LCORL: variants seen among roughly 807,000 people sequenced by gnomAD.
LCORL encodes ligand-dependent nuclear receptor corepressor-like protein.
In LCORL, 41 loss-of-function variants were observed where a neutral mutation model predicts 141.8. The ratio of observed to expected loss-of-function variants is 0.29; its 90% confidence interval spans 0.23 to 0.38. The LOEUF (loss-of-function observed/expected upper bound fraction) is 0.38, where lower values mean the gene tolerates loss of function less well. LCORL is among the 10% of genes least tolerant of loss of function. The pLI is 1.00. For missense variants in LCORL, 1,759 were observed against 2,035.0 expected (o/e 0.86, Z 2.61); for synonymous variants, 618 against 694.1 (o/e 0.89, Z 1.72).
At chr4:17,929,436 A>C (rs1467186500) in intron 4 of LCORL, among the ~76,000 whole-genome samples, 1 of 152,232 alleles carries the variant, frequency 6.6e-6, no homozygotes, top group Non-Finnish European at 1.5e-5. Context: ...AGAACAATGG[A>C]AAAGAATCGA....
intron 4 of LCORL, among the ~76,000 whole-genome samples, chr4:17,930,970 A>G (rs1735941896): frequency 6.6e-6 from 1 of 152,114 alleles, no homozygotes; most frequent in African/African-American, 2.4e-5. Flanking sequence ...TGGTGCTTTT[A>G]CTGAGCTTTC....
At chr4:17,852,139 TATGTC>T (rs747062409) in intron 7 of LCORL, among the ~76,000 whole-genome samples, 11 of 152,188 alleles carry the variant, frequency 7.2e-5, no homozygotes, top group Non-Finnish European at 1.2e-4. Context: ...TTATCACTCT[TATGTC>T]ATGGCTTCTC....
chr4:17,913,073 AT>A (rs1732836318), intron 4 of LCORL: 1 of 231,760 alleles, frequency 4.3e-6, no homozygotes, highest in African/African-American at 2.3e-5. Flanking sequence ...GGATGAGATG[AT>A]GTTGAAGATA....
chr4:17,951,558 A>G (rs1739728856), intron 4 of LCORL, among the ~76,000 whole-genome samples: 1 of 152,060 alleles, frequency 6.6e-6, no homozygotes, highest in Admixed American at 6.5e-5. Context: ...TCTGATTACC[A>G]CTTATAAAAA....
At chr4:17,848,374 G>T (rs1723184048) in intron 7 of LCORL, among the ~76,000 whole-genome samples, 1 of 152,170 alleles carries the variant, frequency 6.6e-6, no homozygotes, top group South Asian at 2.1e-4. Context: ...TTTTGAGACA[G>T]CGTCTTGCTC....
intron 3 of LCORL, among the ~76,000 whole-genome samples, chr4:17,962,676 C>T (rs151115189): frequency 2.6e-5 from 4 of 151,880 alleles, no homozygotes; most frequent in Admixed American, 6.6e-5. Context: ...TCCCTCTATA[C>T]CTAAATACAA....
chr4:17,873,006 T>A (rs1726535792), intron 7 of LCORL, among the ~76,000 whole-genome samples: 1 of 152,150 alleles, frequency 6.6e-6, no homozygotes, highest in Non-Finnish European at 1.5e-5. Context: ...ATTTACTAGT[T>A]TATAGTGTGG....
intron 1 of LCORL, among the ~76,000 whole-genome samples, chr4:17,973,684 C>G (rs1372860374): frequency 2.0e-5 from 3 of 151,696 alleles, no homozygotes; most frequent in Non-Finnish European, 1.5e-5. Context: ...CATGGCATGA[C>G]AGACCCTATA....
chr4:17,964,401 A>C (rs1279155567), intron 2 of LCORL, among the ~76,000 whole-genome samples: 1 of 152,152 alleles, frequency 6.6e-6, no homozygotes, highest in Non-Finnish European at 1.5e-5. Context: ...TAAACTATGA[A>C]GCACCATACA....
chr4:17,875,112 T>C (rs2109180203), exon 7 of LCORL: 1 of 1,233,530 alleles, frequency 8.1e-7, no homozygotes, highest in Non-Finnish European at 1.0e-6. Context: ...ATACTTTTCT[T>C]CAGGCAGATT....
In LCORL at chr4:18,021,418, C is replaced by T. The variant is rs28516409; in HGVS notation, c.154+180G>A. On this transcript the variant is annotated intron_variant, in intron 1 of 7. Transcript: ENST00000635767. This position sits in a 1 kb window ranked among gnomAD's most constrained non-coding sequence, Gnocchi z 5.5. Reference sequence around the variant, plus strand: ...GCGAAGGAGCGCGGACCGCGCCGGGCCAGCAGCCCGCAAGACAAAAGGCGA... The same window carrying T: ...GCGAAGGAGCGCGGACCGCGCCGGGTCAGCAGCCCGCAAGACAAAAGGCGA... 4.6e-5 allele frequency among the ~76,000 whole-genome samples: 7 copies of T among 152,228 alleles called. No homozygotes were observed. Among genetic ancestry groups the T allele is most frequent in the African/African-American group, 1.4e-4 (6 of 41,564 alleles).
At position 18,003,113 on chromosome 4, in the gene LCORL, C is replaced by T. The variant is rs191473006; in HGVS notation, c.154+18485G>A. The stretch of plus-strand genomic sequence containing the variant: ...GCAAATTTGGGGGTGCTATAATTTT[C>T]CAAGAACAGAATATATCCATATCTC... On this transcript the variant is annotated intron_variant, in intron 1 of 7. Coordinates refer to ENST00000635767, the Ensembl canonical transcript of LCORL. Among the ~76,000 whole-genome samples the T allele has an allele frequency of 3.6e-3, 552 of 152,302 alleles. 4 individuals are homozygous for T. Among genetic ancestry groups the T allele is most frequent in the African/African-American group, 0.012 (500 of 41,566 alleles).
chr4:17,962,931 G>T, intron 3 of LCORL, 39 bp downstream of exon 3: 2 of 1,074,606 alleles, frequency 1.9e-6, no homozygotes, highest in Non-Finnish European at 2.6e-6. Context: ...TTACAATTGT[G>T]CATTAGTTTA....
At chr4:17,980,911 G>T (rs1022577166) in intron 1 of LCORL, among the ~76,000 whole-genome samples, 1 of 152,116 alleles carries the variant, frequency 6.6e-6, no homozygotes, top group Non-Finnish European at 1.5e-5. Context: ...CGATCTGAGG[G>T]GGAACAGGTT....
rs368937872 is a variant in LCORL, at chr4:17,881,404, T to C, written c.777-3191A>G. 8 of 962,558 alleles carry C rather than the reference T, an allele frequency of 8.3e-6. No homozygotes were observed. In the African/African-American group the frequency reaches 1.2e-4, roughly 15 times the overall value. The allele number at this position is 962,558 out of a possible 1,614,324, so 59.6% of individuals were successfully genotyped here. ...CTAGTTTGTATAATCAAATGTTAACTCAATAATAGAAATGTTTTGTTTCTT... is the reference window on the plus strand; with the variant it reads ...CTAGTTTGTATAATCAAATGTTAACCCAATAATAGAAATGTTTTGTTTCTT... On this transcript the variant is annotated intron_variant, in intron 6 of 7. Coordinates refer to ENST00000635767, the Ensembl canonical transcript of LCORL.
intron 7 of LCORL, among the ~76,000 whole-genome samples, chr4:17,857,193 G>C (rs921829519): frequency 6.6e-6 from 1 of 152,070 alleles, no homozygotes; most frequent in Admixed American, 6.6e-5. Context: ...CTGAGTTGGG[G>C]AGACAGTGAC....
intron 1 of LCORL, among the ~76,000 whole-genome samples, chr4:17,974,370 T>G (rs1716542055): frequency 6.6e-6 from 1 of 152,174 alleles, no homozygotes; most frequent in African/African-American, 2.4e-5. Flanking sequence ...TGGTTCAATC[T>G]GCTGACAAAT....
intron 5 of LCORL, among the ~76,000 whole-genome samples, chr4:17,896,663 A>G (rs773567351): frequency 4.6e-5 from 7 of 152,194 alleles, no homozygotes; most frequent in African/African-American, 1.4e-4. Context: ...ATACAATTGT[A>G]TAACGATCAC....
chr4:17,986,601 TA>T (rs1719016613), intron 1 of LCORL, among the ~76,000 whole-genome samples: 1 of 152,202 alleles, frequency 6.6e-6, no homozygotes, highest in Non-Finnish European at 1.5e-5. Context: ...TTTTCTGCTC[TA>T]TCAGATCAGT....
Sources: gnomAD v4.1 joint callset for allele counts (sites outside exome capture counted in the v4.1 genomes callset) on GRCh38, gnomAD v4.1.1 for gene constraint, Gnocchi (gnomAD v3.1) non-coding constraint, MANE v1.5 for transcripts, NCBI Gene and HGNC (gene_info 2026-07-23, HGNC 2026-07-21) for gene names.